The following TMEM176B variants were observed in gnomAD, a reference collection of about 807,000 sequenced individuals.
TMEM176B encodes the protein LR8-like protein.
TMEM176B carries 28 observed loss-of-function variants against 30.3 expected under a neutral mutation model. The observed-to-expected ratio is 0.92, with a 90% CI of 0.68 to 1.27. The LOEUF is 1.27. Ranked by LOEUF, TMEM176B falls within the 50% of genes most tolerant of loss-of-function variation. The pLI, the probability that TMEM176B is intolerant of heterozygous loss-of-function variation, is 0.00. For missense variants in TMEM176B, 349 were observed against 327.4 expected (o/e 1.07, Z -0.51); for synonymous variants, 123 against 130.3 (o/e 0.94, Z 0.38).
intron 1 of TMEM176B, among the ~76,000 whole-genome samples, chr7:150,797,564 G>A (rs574456011): frequency 3.3e-5 from 5 of 152,272 alleles, no homozygotes; most frequent in East Asian, 3.9e-4. Flanking sequence ...ACAAGTCCAG[G>A]GTTAGACAGG....
intron 2 of TMEM176B, among the ~76,000 whole-genome samples, chr7:150,795,857 C>CCTA (rs2116695108): frequency 6.6e-6 from 1 of 152,296 alleles, no homozygotes; most frequent in African/African-American, 2.4e-5. Flanking sequence ...TCTTTTGCAT[C>CCTA]CTATTGAAGA....
intron 5 of TMEM176B, 62 bp from the exon 6 acceptor site, chr7:150,792,237 C>T: frequency 6.3e-7 from 1 of 1,589,510 alleles, no homozygotes. Flanking sequence ...GCCCACATCA[C>T]CACCCTCTCC....
intron 1 of TMEM176B, among the ~76,000 whole-genome samples, chr7:150,798,433 GC>G (rs1798611948): frequency 1.3e-5 from 2 of 152,112 alleles, no homozygotes; most frequent in South Asian, 4.1e-4. Flanking sequence ...CCGCCATCAA[GC>G]CCAGCTAATT....
At position 150,794,051 on chromosome 7, in the gene TMEM176B, C is replaced by A. The variant is rs1372020459; in HGVS notation, c.225G>T (p.Gly75=). 1.2e-6 allele frequency: 2 copies of A among 1,613,734 alleles called. No individual in the cohort carries two copies. Among genetic ancestry groups the A allele is most frequent in the East Asian group, 4.5e-5 (2 of 44,854 alleles). The change falls in exon 3 of 7, where the codon GGG becomes GGT. Residue 75 remains glycine (G), a synonymous_variant. Transcript: ENST00000326442. ...LALGVTQILL[G]VVSCVLGVCL... ...ACACTCCAAGAACACAACTCACAAC[C>A]CCCAGCAATATCTGAGTCACCTGCA...
intron 2 of TMEM176B, among the ~76,000 whole-genome samples, chr7:150,794,574 T>G (rs1485384749): frequency 6.6e-6 from 1 of 151,814 alleles, no homozygotes; most frequent in Non-Finnish European, 1.5e-5. Context: ...TTTTTCAAGC[T>G]GAAGACACAC....
chr7:150,795,376 A>G (rs1798485454), intron 2 of TMEM176B, among the ~76,000 whole-genome samples: 1 of 152,142 alleles, frequency 6.6e-6, no homozygotes, highest in Admixed American at 6.5e-5. Flanking sequence ...TGCTCCTGCC[A>G]TTCTTTAACC....
Position 150,796,463 on chromosome 7 carries a change from A to T in TMEM176B, c.107T>A (p.Leu36Gln). 1 of 1,614,172 alleles carries T rather than the reference A, an allele frequency of 6.2e-7. No individual in the cohort carries two copies. Among genetic ancestry groups the T allele is most frequent in the South Asian group, 1.1e-5 (1 of 91,084 alleles). Residue 36 changes from leucine to glutamine, a missense_variant, in exon 2 of 7, where the codon CTG (leucine) becomes CAG (glutamine). Leu to Gln is a moderately radical substitution (Grantham distance 113, BLOSUM62 -2). Transcript: ENST00000326442. ...HIHQESALTQLLKAGGSLKKF... is the reference protein window; with the variant it reads ...HIHQESALTQQLKAGGSLKKF... ...CTTCAGAGAACCTCCAGCTTTCAGC[A>T]GTTGTGTCAAAGCTGACTCCTGGTG...
chr7:150,796,943 G>T (rs1010380062), intron 1 of TMEM176B, among the ~76,000 whole-genome samples: 14 of 150,304 alleles, frequency 9.3e-5, no homozygotes, highest in African/African-American at 3.5e-4. Flanking sequence ...AACAGAGTGA[G>T]ACTCCATCTC....
chr7:150,792,693 G>A (rs963620451), intron 5 of TMEM176B, among the ~76,000 whole-genome samples: 1 of 152,198 alleles, frequency 6.6e-6, no homozygotes, highest in Non-Finnish European at 1.5e-5. Flanking sequence ...GTAACTGCAT[G>A]AGAAAACCCG....
chr7:150,796,310 A>T, intron 2 of TMEM176B, 56 bp downstream of exon 2: 1 of 1,523,658 alleles, frequency 6.6e-7, no homozygotes, highest in Non-Finnish European at 9.0e-7. Flanking sequence ...CTATATTTTA[A>T]TTGACCTCAT....
upstream of TMEM176B, chr7:150,800,839 A>G (rs55775933): frequency 0.21 from 180,263 of 842,784 alleles, 20,019 homozygotes; most frequent in Middle Eastern, 0.27. Flanking sequence ...GTGAGGCGGC[A>G]CCCCACTCCC....
In TMEM176B at chr7:150,796,583, G is replaced by A. The variant is rs748137930; in HGVS notation, c.-5-9C>T. On this transcript the variant is annotated splice_polypyrimidine_tract_variant and intron_variant, in intron 1 of 6. Transcript: ENST00000326442. ...GTTTTGCGTCATCCTGCCTGCCAGG[G>A]AGAAGACATATAGCAGTGAGGTCTG... The A allele has an allele frequency of 3.1e-6, 5 of 1,613,238 alleles. No homozygotes were observed. The East Asian group carries it at 1.1e-4, about 36-fold the overall frequency.
intron 2 of TMEM176B, among the ~76,000 whole-genome samples, chr7:150,795,940 G>A (rs934580350): frequency 5.9e-5 from 9 of 152,108 alleles, no homozygotes; most frequent in African/African-American, 1.7e-4. Flanking sequence ...AAACAGAGTC[G>A]AGAGGCCAGG....
At chr7:150,800,843 C>G, upstream of TMEM176B, 1 of 884,416 alleles carries the variant, frequency 1.1e-6, no homozygotes, top group African/African-American at 1.8e-5. Context: ...GGCGGCACCC[C>G]ACTCCCGGCG....
At chr7:150,793,869 C>T (rs1460414003) in intron 3 of TMEM176B, 92 bp downstream of exon 3, 11 of 1,195,532 alleles carry the variant, frequency 9.2e-6, no homozygotes, top group East Asian at 7.0e-5. Flanking sequence ...AGACTTTGGT[C>T]GCTTCCCCAA....
chr7:150,797,849 T>A lies in TMEM176B; in HGVS notation c.-5-1275A>T, dbSNP rs191947699. On this transcript the variant is annotated intron_variant, in intron 1 of 6. Transcript: ENST00000326442. ...AAGTGGTTCCCTATTGGCAGACATT[T>A]AGGTTATTTCTAATCCTTTTCCATT... 2.0e-4 allele frequency among the ~76,000 whole-genome samples: 31 copies of A among 152,336 alleles called. No individual in the cohort carries two copies. In the East Asian group the frequency reaches 5.8e-3, roughly 28 times the overall value.
intron 2 of TMEM176B, among the ~76,000 whole-genome samples, chr7:150,795,950 G>C (rs749470528): frequency 6.6e-6 from 1 of 152,080 alleles, no homozygotes; most frequent in African/African-American, 2.4e-5. Context: ...GAGAGGCCAG[G>C]GGCAAAAAGC....
rs116590166 is a variant in TMEM176B at position 150,796,297 on chromosome 7, G to A, written c.204+69C>T. 6.4e-4 allele frequency: 931 copies of A among 1,449,218 alleles called. 6 individuals are homozygous for A. In the African/African-American group the frequency reaches 0.011, roughly 17 times the overall value. The allele number at this position is 1,449,218 out of a possible 1,614,324, so 89.8% of individuals were successfully genotyped here. ...AAAACGTTTTAATTTTGAAGATTTG[G>A]CTCTATATTTTAATTGACCTCATCA... On this transcript the variant is annotated intron_variant, in intron 2 of 6. Coordinates refer to ENST00000326442, the MANE Select transcript of TMEM176B (RefSeq NM_001101312.2).
chr7:150,791,999 C>A, intron 6 of TMEM176B, 57 bp downstream of exon 6: 1 of 1,609,110 alleles, frequency 6.2e-7, no homozygotes, highest in South Asian at 1.1e-5. Context: ...TCCTACCTGT[C>A]CCACACACTC....
Sources: gnomAD v4.1 joint callset for allele counts (sites outside exome capture counted in the v4.1 genomes callset) on GRCh38, gnomAD v4.1.1 for gene constraint, MANE v1.5 for transcripts, NCBI Gene and HGNC (gene_info 2026-07-23, HGNC 2026-07-21) for gene names.